Variants in NOTCH2NLA observed in about 807,000 individuals in gnomAD.
NOTCH2NLA encodes notch 2 N-terminal like A, also known as notch homolog 2 N-terminal-like protein A.
chr1:146,159,393 G>GAAAGAAAGAAAGAA (rs1341934537), intron 3 of NOTCH2NLA, among the ~76,000 whole-genome samples: 1 of 111,040 alleles, frequency 9.0e-6, no homozygotes, highest in Non-Finnish European at 1.9e-5. Flanking sequence ...GAGAAAGAGA[G>GAAAGAAAGAAAGAA]AGAAAGAAAG....
At chr1:146,194,883 C>T (rs1460009164) in intron 1 of NOTCH2NLA, among the ~76,000 whole-genome samples, 1 of 112,518 alleles carries the variant, frequency 8.9e-6, no homozygotes, top group African/African-American at 3.8e-5. Context: ...CTGAATAGAT[C>T]GTCATTGAAC....
rs148212267 is a variant in NOTCH2NLA at position 146,180,710 on chromosome 1, G to A, written c.38+8590C>T. On this transcript the variant is annotated intron_variant, in intron 2 of 4. Transcript: ENST00000362074. The stretch of plus-strand genomic sequence containing the variant: ...GCATACACACATATGACAGGAGGAC[G>A]GAGAGACACTAAACTTCATTCCTAA... 5.7e-3 allele frequency among the ~76,000 whole-genome samples: 806 copies of A among 142,222 alleles called. 20 individuals carry two copies. Among genetic ancestry groups the A allele is most frequent in the African/African-American group, 0.015 (600 of 40,872 alleles). 93.3% of individuals were successfully genotyped at this position (142,222 alleles called of 152,430 possible).
chr1:146,159,435 G>GAAA (rs1553803740), intron 3 of NOTCH2NLA, among the ~76,000 whole-genome samples: 3 of 149,136 alleles, frequency 2.0e-5, no homozygotes, highest in African/African-American at 7.4e-5. Flanking sequence ...AAGAAAGAAA[G>GAAA]AAAGAAAGAA....
chr1:146,186,099 T>C lies in NOTCH2NLA; in HGVS notation c.38+3201A>G, dbSNP rs587620211. 3.7e-5 allele frequency among the ~76,000 whole-genome samples: 5 copies of C among 134,680 alleles called. 1 individual carries two copies. In the South Asian group the frequency reaches 1.2e-3, roughly 32 times the overall value. 88.4% of individuals were successfully genotyped at this position (134,680 alleles called of 152,430 possible). ...TTCTTGCTTTTTCTTTGTCCACTTA[T>C]GTTGACCCTGCCACTCCTAAATATG... On this transcript the variant is annotated intron_variant, in intron 2 of 4. Transcript: ENST00000362074.
intron 3 of NOTCH2NLA, among the ~76,000 whole-genome samples, chr1:146,158,056 A>T (rs1661251372): frequency 6.8e-6 from 1 of 148,100 alleles, no homozygotes; most frequent in Non-Finnish European, 1.5e-5. Flanking sequence ...AAGAGAAAAA[A>T]ATATCCTCAC....
In NOTCH2NLA at chr1:146,174,703, T is replaced by A. The variant is rs587750498; in HGVS notation, c.39-9693A>T. Among the ~76,000 whole-genome samples, 753 of 144,214 alleles carry A rather than the reference T, an allele frequency of 5.2e-3. 7 individuals carry two copies. The highest frequency in any genetic ancestry group is 0.017 in the African/African-American group (713 of 41,058). The allele number at this position is 144,214 out of a possible 152,430, so 94.6% of individuals were successfully genotyped here. ...ACAGAACTCTGCTTTCAACCCACTT[T>A]CTTCTTGCACTGGGCCTCTTGGCCC... On this transcript the variant is annotated intron_variant, in intron 2 of 4. Transcript: ENST00000362074.
intron 1 of NOTCH2NLA, among the ~76,000 whole-genome samples, chr1:146,207,815 CTTTTTT>C (rs74543040): frequency 4.3e-4 from 31 of 72,234 alleles, no homozygotes; most frequent in African/African-American, 1.1e-3. Context: ...ATACCACTTT[CTTTTTT>C]TTTTTTTTTT....
chr1:146,187,315 T>C (rs1298761822), intron 2 of NOTCH2NLA, among the ~76,000 whole-genome samples: 1 of 131,392 alleles, frequency 7.6e-6, no homozygotes, highest in Non-Finnish European at 1.8e-5. Flanking sequence ...TCTTTCCTAC[T>C]GTAAATAGTG....
Position 146,228,878 on chromosome 1 carries a change from C to A in NOTCH2NLA, c.-214G>T. On this transcript the variant is annotated 5_prime_UTR_variant, in exon 1 of 5. It adds an upstream start codon to the 5' untranslated region. Transcript: ENST00000362074. ...TAGAGGAGCCCCACTCTCTCCTCCC[C>A]TCCTCCTGCTTCAAAGGCTCAGGCC... is the stretch of plus-strand genomic sequence containing the variant. 1 of 1,474,756 alleles carries A rather than the reference C, an allele frequency of 6.8e-7. No individual in the cohort carries two copies. The highest frequency in any genetic ancestry group is 1.3e-5 in the South Asian group (1 of 77,538). The allele number at this position is 1,474,756 out of a possible 1,614,324, so 91.4% of individuals were successfully genotyped here. A position where few individuals can be genotyped will look rare whatever the true frequency, so the allele number is the denominator to read the frequency against.
At position 146,183,646 on chromosome 1, in the gene NOTCH2NLA, CCTGT is replaced by C. The variant is rs1393611385; in HGVS notation, c.38+5650_38+5653del. Reference sequence around the variant, plus strand: ...AGTAATTTAACAGTTGATATTTTTCCCTGTCTATTTCTTTGATCTGACAATGCCC... The same window carrying C: ...AGTAATTTAACAGTTGATATTTTTCCCTATTTCTTTGATCTGACAATGCCC... On this transcript the variant is annotated intron_variant, in intron 2 of 4. Transcript: ENST00000362074. Among the ~76,000 whole-genome samples, 5 of 111,164 alleles carry C rather than the reference CCTGT, an allele frequency of 4.5e-5. 1 individual carries two copies. The highest frequency in any genetic ancestry group is 1.2e-4 in the African/African-American group (3 of 25,824). The allele number at this position is 111,164 out of a possible 152,430, so 72.9% of individuals were successfully genotyped here.
chr1:146,207,755 T>C (rs1308759189), intron 1 of NOTCH2NLA, among the ~76,000 whole-genome samples: 1 of 85,228 alleles, frequency 1.2e-5, no homozygotes, highest in African/African-American at 4.0e-5. Flanking sequence ...TAAAAAACAA[T>C]GGACTAAAGC....
chr1:146,176,705 C>T (rs587766499), intron 2 of NOTCH2NLA, among the ~76,000 whole-genome samples: 1 of 108,426 alleles, frequency 9.2e-6, no homozygotes, highest in Admixed American at 1.0e-4. Flanking sequence ...AAATGCTTTT[C>T]CCCACCTTCT....
chr1:146,170,686 T>TTATCATAAAGACTTG (rs1661915644), intron 2 of NOTCH2NLA, among the ~76,000 whole-genome samples: 1 of 101,992 alleles, frequency 9.8e-6, no homozygotes, highest in Non-Finnish European at 1.9e-5. Context: ...GATACATAAA[T>TTATCATAAAGACTTG]TATGTCTTAA....
intron 2 of NOTCH2NLA, among the ~76,000 whole-genome samples, chr1:146,180,609 T>A (rs1279679691): frequency 7.0e-6 from 1 of 143,188 alleles, no homozygotes; most frequent in East Asian, 1.9e-4. Context: ...TTACCTTACG[T>A]TGGGTTGTAA....
Position 146,162,046 on chromosome 1 carries a change from T to C in NOTCH2NLA, c.298+2705A>G, listed in dbSNP as rs1203845970. ...TAGTCATCAATACCAGCTACTACCATGTGACCAGCTGCAGAAATGAGGACT... is the reference window on the plus strand; with the variant it reads ...TAGTCATCAATACCAGCTACTACCACGTGACCAGCTGCAGAAATGAGGACT... On this transcript the variant is annotated intron_variant, in intron 3 of 4. Transcript: ENST00000362074. 1.2e-4 allele frequency among the ~76,000 whole-genome samples: 14 copies of C among 115,842 alleles called. 2 individuals are homozygous for C. In the East Asian group the frequency reaches 1.4e-3, roughly 12 times the overall value. 76.0% of individuals were successfully genotyped at this position (115,842 alleles called of 152,430 possible).
intron 2 of NOTCH2NLA, among the ~76,000 whole-genome samples, chr1:146,170,895 T>C (rs1390937884): frequency 7.3e-6 from 1 of 136,868 alleles, no homozygotes; most frequent in East Asian, 2.0e-4. Context: ...TCCAGGCTTC[T>C]TCACCTTTTT....
intron 2 of NOTCH2NLA, among the ~76,000 whole-genome samples, chr1:146,174,388 CT>C: frequency 1.2e-5 from 1 of 83,686 alleles, no homozygotes; most frequent in African/African-American, 8.3e-5. Flanking sequence ...TTTGCTGCAG[CT>C]CTGTCTTTAG....
intron 2 of NOTCH2NLA, among the ~76,000 whole-genome samples, chr1:146,174,413 T>A (rs1166622630): frequency 6.9e-6 from 1 of 145,774 alleles, no homozygotes; most frequent in Non-Finnish European, 1.5e-5. Context: ...TTTTTTTTTT[T>A]TTTTTTTTTT....
At chr1:146,159,508 C>G (rs1553803787) in intron 3 of NOTCH2NLA, among the ~76,000 whole-genome samples, 1 of 150,650 alleles carries the variant, frequency 6.6e-6, no homozygotes, top group East Asian at 2.0e-4. Flanking sequence ...ATTTGGTTTC[C>G]ATATATATTA....
Sources: allele counts gnomAD v4.1 joint callset (sites outside exome capture counted in the v4.1 genomes callset), GRCh38; gene constraint gnomAD v4.1.1; transcripts MANE v1.5; gene names NCBI Gene and HGNC (gene_info 2026-07-23, HGNC 2026-07-21).